Variants in ATP2B2 observed in about 807,000 individuals in gnomAD.
The protein encoded by ATP2B2 is plasma membrane calcium-transporting ATPase 2.
Under a neutral mutation model 120.0 loss-of-function variants are expected in ATP2B2, and 15 were observed. The ratio of observed to expected loss-of-function variants is 0.12; its 90% CI spans 0.08 to 0.19. The LOEUF (loss-of-function observed/expected upper bound fraction) is 0.19. Among genes scored for constraint, ATP2B2 ranks in the 10% least tolerant of loss-of-function variants. The pLI is 1.00. For synonymous variants in ATP2B2, 694 were observed against 700.3 expected, an observed-to-expected ratio of 0.99 and a Z score of 0.14; for missense variants, 1,045 against 1,719.8, an observed-to-expected ratio of 0.61 and a Z score of 6.94.
intron 2 of ATP2B2, among the ~76,000 whole-genome samples, chr3:10,612,612 G>T (rs548085114): frequency 6.6e-6 from 1 of 152,078 alleles, no homozygotes; most frequent in Non-Finnish European, 1.5e-5. Flanking sequence ...CAGCCCCATG[G>T]CTTTAAATAC....
intron 2 of ATP2B2, among the ~76,000 whole-genome samples, chr3:10,544,643 A>C (rs562056906): frequency 6.6e-6 from 1 of 152,092 alleles, no homozygotes; most frequent in South Asian, 2.1e-4. Flanking sequence ...GGCTCCCTTC[A>C]CAAACGATGC....
In ATP2B2 at chr3:10,338,247, C is replaced by T; in HGVS notation, c.3349G>A (p.Asp1117Asn). ...CGCCGCAGCTCCCGCTCCGCGTGGT[C>T]GATCTCCTCCACGTCCTCGTTGAGC... Reference protein sequence around the residue: ...EELNEDVEEIDHAERELRRGQ... With the variant: ...EELNEDVEEINHAERELRRGQ... Residue 1117 changes from aspartate (D) to asparagine (N), a missense_variant, in exon 22 of 23, where the codon GAC becomes AAC. Asp to Asn is a conservative substitution (Grantham distance 23, BLOSUM62 1). Transcript: ENST00000360273. 6.2e-7 allele frequency: 1 copy of T among 1,614,200 alleles called. No individual in the cohort carries two copies. The highest frequency in any genetic ancestry group is 8.5e-7 in the Non-Finnish European group (1 of 1,180,042).
Position 10,430,873 on chromosome 3 carries a change from G to C in ATP2B2, c.199+18472C>G, listed in dbSNP as rs541961680. 2.6e-5 allele frequency among the ~76,000 whole-genome samples: 4 copies of C among 151,666 alleles called. No homozygotes were observed. In the South Asian group the frequency reaches 8.4e-4, roughly 32 times the overall value. On this transcript the variant is annotated intron_variant, in intron 2 of 22. Transcript: ENST00000360273. ...GACCCCTTTTCTTTACTGGACACTT[G>C]GTGGCCTCTTGGGGCTTGGCTCTCA...
intron 12 of ATP2B2, among the ~76,000 whole-genome samples, chr3:10,367,489 C>G (rs1012290157): frequency 2.0e-5 from 3 of 152,054 alleles, no homozygotes; most frequent in Non-Finnish European, 2.9e-5. Flanking sequence ...GGGGAAAGCT[C>G]AGAAAGAGCA....
chr3:10,371,305 G>A (rs927298301), intron 12 of ATP2B2, among the ~76,000 whole-genome samples: 1 of 152,228 alleles, frequency 6.6e-6, no homozygotes, highest in Non-Finnish European at 1.5e-5. Flanking sequence ...GGGCAGGGAT[G>A]AGCCAGCCCA....
rs149066255 is a variant in ATP2B2 at position 10,653,941 on chromosome 3, C to T, written c.-459-33980G>A. Among the ~76,000 whole-genome samples, 407 of 152,136 alleles carry T rather than the reference C, an allele frequency of 2.7e-3. 1 individual carries two copies. The highest frequency in any genetic ancestry group is 3.0e-3 in the Non-Finnish European group (204 of 68,000). On this transcript the variant is annotated intron_variant, in intron 1 of 21. Transcript: ENST00000646379. Reference sequence around the variant, plus strand: ...CATCCTGTCCCTCCACTTCCAATACCCCCTTCTTCTGTGAGGCCTTCTTGA... The same window carrying T: ...CATCCTGTCCCTCCACTTCCAATACTCCCTTCTTCTGTGAGGCCTTCTTGA...
At chr3:10,543,439 A>G (rs1235921862) in intron 2 of ATP2B2, among the ~76,000 whole-genome samples, 1 of 152,218 alleles carries the variant, frequency 6.6e-6, no homozygotes, top group African/African-American at 2.4e-5. Flanking sequence ...ATATACATCA[A>G]TTAAAACATC....
In ATP2B2 at chr3:10,326,556, C is replaced by A; in HGVS notation, c.*2258G>T. 1 of 397,572 alleles carries A rather than the reference C, an allele frequency of 2.5e-6. No individual in the cohort carries two copies. The highest frequency in any genetic ancestry group is 3.6e-5 in the East Asian group (1 of 28,050). 24.6% of individuals were successfully genotyped at this position (397,572 alleles called of 1,614,324 possible). A position where few individuals can be genotyped will look rare whatever the true frequency, so the allele number is the denominator to read the frequency against. On this transcript the variant is annotated 3_prime_UTR_variant, in exon 23 of 23. Coordinates refer to ENST00000360273, the MANE Select transcript of ATP2B2 (RefSeq NM_001001331.4). ...CTCCAAAAAACACCATGTTCCAAGG[C>A]TGCCCCATGTTTTACACGTGCAGAT...
At chr3:10,505,425 T>A (rs1253592535) in intron 1 of ATP2B2, 40 bp downstream of exon 1, 1 of 151,856 alleles carries the variant, frequency 6.6e-6, no homozygotes, top group African/African-American at 2.4e-5. Flanking sequence ...GGGCGCTTTT[T>A]ATTTTTTATT....
At chr3:10,504,443 C>T (rs1015851077) in intron 1 of ATP2B2, among the ~76,000 whole-genome samples, 6 of 152,144 alleles carry the variant, frequency 3.9e-5, no homozygotes, top group Admixed American at 2.0e-4. Context: ...GACCCTCTGC[C>T]GGCTGGTCGG....
chr3:10,469,294 A>T (rs1375686605), intron 1 of ATP2B2, among the ~76,000 whole-genome samples: 1 of 152,262 alleles, frequency 6.6e-6, no homozygotes, highest in Admixed American at 6.5e-5. Context: ...TCCACATCAC[A>T]TCCCTATGAG....
chr3:10,691,014 T>C (rs1050154333), intron 1 of ATP2B2, among the ~76,000 whole-genome samples: 10 of 152,220 alleles, frequency 6.6e-5, no homozygotes, highest in African/African-American at 2.4e-4. Flanking sequence ...TGCTTATCTG[T>C]GTGGAAGGCA....
intron 2 of ATP2B2, among the ~76,000 whole-genome samples, chr3:10,585,909 C>T (rs543784488): frequency 6.6e-6 from 1 of 152,290 alleles, no homozygotes; most frequent in Admixed American, 6.5e-5. Flanking sequence ...TACATGAGAA[C>T]CTAGACTCTC....
chr3:10,379,236 G>A lies in ATP2B2; in HGVS notation c.1042+7C>T. The A allele has an allele frequency of 1.9e-6, 3 of 1,613,754 alleles. No homozygotes were observed. The highest frequency in any genetic ancestry group is 2.5e-6 in the Non-Finnish European group (3 of 1,179,864). ...ACGACAAACGCCGGTTAAAACAAAA[G>A]GGTTACCTTTGCTCTGGCTGGCGTC... On this transcript the variant is annotated splice_region_variant and intron_variant, in intron 9 of 22. Transcript: ENST00000360273.
chr3:10,385,093 C>T (rs1412861746), intron 8 of ATP2B2, among the ~76,000 whole-genome samples, 175 bp downstream of exon 8: 1 of 152,190 alleles, frequency 6.6e-6, no homozygotes, highest in African/African-American at 2.4e-5. Flanking sequence ...AGCTGACTCC[C>T]CCGGCTGTGG....
chr3:10,566,294 T>A (rs9882451), intron 2 of ATP2B2: 1 of 152,218 alleles, frequency 6.6e-6, no homozygotes, highest in Non-Finnish European at 1.5e-5. Flanking sequence ...AGGTCCTAGC[T>A]AATTAGGAGG....
rs768154912 is a variant in ATP2B2, at chr3:10,402,161, G to A, written c.585C>T (p.Val195=). The stretch of plus-strand genomic sequence containing the variant: ...GGATCTGGACCACCTGGCCAGCCCG[G>A]ACCACGGTAAATTTCTGTTCCTGCT... ...RIEQEQKFTV[V]RAGQVVQIPV... Residue 195 remains valine, a synonymous_variant, in exon 4 of 23, where the codon GTC becomes GTT. Transcript: ENST00000360273. The surrounding 1 kb of genome is among the most constrained non-coding windows in gnomAD (Gnocchi z 4.9). The A allele has an allele frequency of 1.2e-6, 2 of 1,614,042 alleles. No individual in the cohort carries two copies. The highest frequency in any genetic ancestry group is 8.5e-7 in the Non-Finnish European group (1 of 1,180,054).
chr3:10,580,632 G>T (rs942630824), intron 2 of ATP2B2, among the ~76,000 whole-genome samples: 1 of 151,884 alleles, frequency 6.6e-6, no homozygotes, highest in African/African-American at 2.4e-5. Flanking sequence ...CCTCCTCCCT[G>T]CCTCCCCCTC....
intron 3 of ATP2B2, among the ~76,000 whole-genome samples, chr3:10,520,130 T>G (rs1370516581): frequency 6.6e-6 from 1 of 152,186 alleles, no homozygotes; most frequent in Non-Finnish European, 1.5e-5. Context: ...CTCCAAGCCA[T>G]GGTTTCTGGA....
Sources: gnomAD v4.1 joint callset for allele counts (sites outside exome capture counted in the v4.1 genomes callset) on GRCh38, gnomAD v4.1.1 for gene constraint, Gnocchi (gnomAD v3.1) non-coding constraint, MANE v1.5 for transcripts, NCBI Gene and HGNC (gene_info 2026-07-23, HGNC 2026-07-21) for gene names.